The following SLC25A21 variants were observed in gnomAD, a reference collection of about 807,000 sequenced individuals.
SLC25A21 encodes the protein solute carrier family 25 member 21.
A neutral mutation model predicts 43.8 loss-of-function variants in SLC25A21; 47 were observed. The observed-to-expected ratio is 1.07, with a 90% CI of 0.85 to 1.37. The LOEUF (loss-of-function observed/expected upper bound fraction) is 1.37. Among genes scored for constraint, SLC25A21 ranks in the 40% most tolerant of loss-of-function variants. The pLI is 0.00. For missense variants in SLC25A21, 352 were observed against 350.2 expected, an observed-to-expected ratio of 1.00 and a Z score of -0.04; for synonymous variants, 131 against 121.3, an observed-to-expected ratio of 1.08 and a Z score of -0.52.
At chr14:37,076,552 G>A (rs1318555439) in intron 1 of SLC25A21, among the ~76,000 whole-genome samples, 3 of 150,954 alleles carry the variant, frequency 2.0e-5, no homozygotes, top group East Asian at 3.9e-4. Context: ...GCAGTGCAGC[G>A]ATCTCGGCTC....
chr14:36,989,123 G>A (rs778841599), intron 1 of SLC25A21, among the ~76,000 whole-genome samples: 14 of 152,124 alleles, frequency 9.2e-5, no homozygotes, highest in Admixed American at 3.9e-4. Context: ...GTTCTCACTT[G>A]GATAAAGGGC....
At chr14:37,031,125 T>G (rs1037079935) in intron 1 of SLC25A21, among the ~76,000 whole-genome samples, 4 of 152,192 alleles carry the variant, frequency 2.6e-5, no homozygotes, top group African/African-American at 9.7e-5. Context: ...CAAGCCCTTC[T>G]GCGCATGTTT....
At chr14:37,009,472 C>T (rs566717697) in intron 1 of SLC25A21, among the ~76,000 whole-genome samples, 1 of 151,372 alleles carries the variant, frequency 6.6e-6, no homozygotes, top group South Asian at 2.1e-4. Flanking sequence ...GGCAGCAGAG[C>T]AAAACTTCAT....
chr14:36,943,541 A>G (rs1892615958), intron 1 of SLC25A21, among the ~76,000 whole-genome samples: 1 of 152,120 alleles, frequency 6.6e-6, no homozygotes, highest in Non-Finnish European at 1.5e-5. Flanking sequence ...TTTATTTCAG[A>G]GCACACAAAT....
chr14:36,748,068 C>A (rs971169878), intron 3 of SLC25A21, among the ~76,000 whole-genome samples: 5 of 152,236 alleles, frequency 3.3e-5, no homozygotes, highest in Non-Finnish European at 7.3e-5. Flanking sequence ...AGTTAAGCAA[C>A]TTTCCTAGTA....
chr14:37,026,307 T>C (rs921289709), intron 1 of SLC25A21, among the ~76,000 whole-genome samples: 1 of 152,192 alleles, frequency 6.6e-6, no homozygotes, highest in Admixed American at 6.6e-5. Context: ...CATAGTTCTC[T>C]GGGTTTTCTA....
rs116885104 is a variant in SLC25A21 at position 36,829,036 on chromosome 14, G to A, written c.120-15035C>T. Among the ~76,000 whole-genome samples, 266 of 152,066 alleles carry A rather than the reference G, an allele frequency of 1.7e-3. 1 individual carries two copies. The highest frequency in any genetic ancestry group is 2.9e-3 in the Non-Finnish European group (194 of 67,974). ...CATGCTTCATCTGCCTGAGTAGCTGGGACTACAGACACCCACCACACCTGG... is the reference window on the plus strand; with the variant it reads ...CATGCTTCATCTGCCTGAGTAGCTGAGACTACAGACACCCACCACACCTGG... On this transcript the variant is annotated intron_variant, in intron 2 of 9. Transcript: ENST00000331299.
chr14:37,165,464 C>A (rs756976745), intron 1 of SLC25A21, among the ~76,000 whole-genome samples: 2 of 151,982 alleles, frequency 1.3e-5, no homozygotes, highest in Admixed American at 1.3e-4. Flanking sequence ...TCAGTCTTGC[C>A]AGGATGGTGA....
At chr14:36,861,374 C>A (rs1218242264) in intron 2 of SLC25A21, among the ~76,000 whole-genome samples, 6 of 152,172 alleles carry the variant, frequency 3.9e-5, no homozygotes, top group African/African-American at 1.4e-4. Flanking sequence ...AGACTTCATT[C>A]GGCTTGATTC....
chr14:36,945,760 T>C (rs1448888859), intron 1 of SLC25A21, among the ~76,000 whole-genome samples: 2 of 152,136 alleles, frequency 1.3e-5, no homozygotes, highest in African/African-American at 4.8e-5. Context: ...ACTTCAATTT[T>C]GCAACAGGAA....
intron 3 of SLC25A21, among the ~76,000 whole-genome samples, chr14:36,767,882 G>A (rs1234064365): frequency 5.3e-5 from 8 of 152,198 alleles, no homozygotes; most frequent in Admixed American, 5.2e-4. Flanking sequence ...TCACCAGTGA[G>A]GAGGTGGCAA....
intron 1 of SLC25A21, among the ~76,000 whole-genome samples, chr14:37,039,787 A>T (rs1030234470): frequency 2.0e-5 from 3 of 152,196 alleles, no homozygotes; most frequent in Non-Finnish European, 2.9e-5. Flanking sequence ...ATTACTGTAG[A>T]GCTTAATCTA....
At chr14:37,138,711 A>G (rs1043242624) in intron 1 of SLC25A21, among the ~76,000 whole-genome samples, 3 of 152,062 alleles carry the variant, frequency 2.0e-5, no homozygotes, top group Non-Finnish European at 1.5e-5. Flanking sequence ...ATTATTTATG[A>G]GCTCCTTAAA....
At chr14:36,779,609 C>T (rs10143649) in intron 3 of SLC25A21, among the ~76,000 whole-genome samples, 20 of 122,472 alleles carry the variant, frequency 1.6e-4, no homozygotes, top group Non-Finnish European at 3.0e-4. Context: ...TATGTGTATA[C>T]ATATATATAT....
At chr14:36,841,788 A>C (rs1434663459) in intron 2 of SLC25A21, among the ~76,000 whole-genome samples, 1 of 152,030 alleles carries the variant, frequency 6.6e-6, no homozygotes, top group Non-Finnish European at 1.5e-5. Context: ...TCCCCATTGC[A>C]ACTATCATGT....
At chr14:36,899,075 C>G (rs530267811) in intron 1 of SLC25A21, among the ~76,000 whole-genome samples, 98 of 152,128 alleles carry the variant, frequency 6.4e-4, no homozygotes, top group Non-Finnish European at 4.9e-4. Context: ...TAAACACAGA[C>G]AATTTTATCT....
At chr14:37,154,660 G>C (rs1179232885) in intron 1 of SLC25A21, among the ~76,000 whole-genome samples, 1 of 131,432 alleles carries the variant, frequency 7.6e-6, no homozygotes, top group Non-Finnish European at 1.6e-5. Context: ...TTTTTTTTTT[G>C]AGATGGAGTT....
At chr14:37,088,259 C>A (rs1345471020) in intron 1 of SLC25A21, among the ~76,000 whole-genome samples, 1 of 151,998 alleles carries the variant, frequency 6.6e-6, no homozygotes, top group Non-Finnish European at 1.5e-5. Context: ...CTAAAAATAT[C>A]CTGTACTGAA....
intron 1 of SLC25A21, among the ~76,000 whole-genome samples, chr14:36,961,243 G>A (rs955338104): frequency 1.1e-4 from 16 of 149,594 alleles, no homozygotes; most frequent in African/African-American, 3.3e-4. Flanking sequence ...ACGGAGCCTC[G>A]CTCTGTCGCC....
Sources: allele counts gnomAD v4.1 joint callset (sites outside exome capture counted in the v4.1 genomes callset), GRCh38; gene constraint gnomAD v4.1.1; transcripts MANE v1.5; gene names NCBI Gene and HGNC (gene_info 2026-07-23, HGNC 2026-07-21).